The following GPM6A variants were observed in gnomAD, a reference collection of about 807,000 sequenced individuals.
The protein encoded by GPM6A is neuronal membrane glycoprotein M6-a.
In GPM6A, 7 loss-of-function variants were observed where a neutral mutation model predicts 32.1. The observed-to-expected ratio is 0.22, with a 90% CI of 0.12 to 0.41. GPM6A has a LOEUF of 0.41. Ranked by LOEUF, GPM6A falls within the 10% of genes least tolerant of loss-of-function variation. GPM6A has a pLI of 1.00. For missense variants in GPM6A, 235 were observed against 347.2 expected, an observed-to-expected ratio of 0.68 and a Z score of 2.57; for synonymous variants, 130 against 123.4, an observed-to-expected ratio of 1.05 and a Z score of -0.35.
At chr4:175,918,143 A>C (rs543895424) in intron 1 of GPM6A, among the ~76,000 whole-genome samples, 37 of 151,448 alleles carry the variant, frequency 2.4e-4, no homozygotes, top group Non-Finnish European at 4.6e-4. Context: ...GAGATTGAAC[A>C]TGGACAGAAA....
chr4:175,956,839 T>C (rs1740002577), intron 1 of GPM6A, among the ~76,000 whole-genome samples: 2 of 152,198 alleles, frequency 1.3e-5, no homozygotes, highest in Non-Finnish European at 2.9e-5. Context: ...AAGGACAATT[T>C]GGTACAAGTA....
At chr4:175,944,131 C>A (rs1299335547) in intron 1 of GPM6A, among the ~76,000 whole-genome samples, 4 of 152,032 alleles carry the variant, frequency 2.6e-5, no homozygotes, top group Non-Finnish European at 4.4e-5. Context: ...GAAATTTAAC[C>A]ATTTCTAGAA....
At chr4:175,996,428 T>G (rs1431532308) in intron 1 of GPM6A, among the ~76,000 whole-genome samples, 1 of 152,172 alleles carries the variant, frequency 6.6e-6, no homozygotes, top group Non-Finnish European at 1.5e-5. Flanking sequence ...CTACAAAGCA[T>G]CTAGTTGATT....
intron 1 of GPM6A, among the ~76,000 whole-genome samples, chr4:175,799,616 A>G (rs929060603): frequency 6.6e-6 from 1 of 151,986 alleles, no homozygotes; most frequent in Non-Finnish European, 1.5e-5. Flanking sequence ...AGACTGAGGT[A>G]TAACAGACAA....
chr4:175,737,332 G>A (rs907047939), intron 1 of GPM6A, among the ~76,000 whole-genome samples: 9 of 151,566 alleles, frequency 5.9e-5, no homozygotes, highest in Admixed American at 2.0e-4. Flanking sequence ...AATCCTGCAC[G>A]CCCGTAATCC....
chr4:175,763,419 GGT>G (rs1732833336), intron 1 of GPM6A, among the ~76,000 whole-genome samples: 2 of 152,044 alleles, frequency 1.3e-5, no homozygotes, highest in African/African-American at 4.8e-5. Context: ...GTCTTTTAAT[GGT>G]AATATTATTT....
At chr4:175,875,684 A>G (rs1186431178) in intron 1 of GPM6A, among the ~76,000 whole-genome samples, 1 of 152,196 alleles carries the variant, frequency 6.6e-6, no homozygotes, top group Non-Finnish European at 1.5e-5. Context: ...TCATATGCCA[A>G]CTAAACATGC....
At chr4:175,961,221 T>C (rs1740152941) in intron 1 of GPM6A, 1 of 152,206 alleles carries the variant, frequency 6.6e-6, no homozygotes, top group South Asian at 2.1e-4. Context: ...ATTTTCAAAA[T>C]GCTTACAAAA....
At chr4:175,679,931 C>A (rs1743586482) in intron 2 of GPM6A, among the ~76,000 whole-genome samples, 1 of 152,160 alleles carries the variant, frequency 6.6e-6, no homozygotes, top group South Asian at 2.1e-4. Context: ...CTCTTTCAAC[C>A]TCAGAAACAG....
chr4:175,745,447 G>C (rs1261146945), intron 1 of GPM6A, among the ~76,000 whole-genome samples: 4 of 152,142 alleles, frequency 2.6e-5, no homozygotes, highest in African/African-American at 9.7e-5. Context: ...CATGAGCTTT[G>C]TTCTGTTCAG....
At chr4:175,739,063 A>G (rs1409749214) in intron 1 of GPM6A, among the ~76,000 whole-genome samples, 1 of 152,218 alleles carries the variant, frequency 6.6e-6, no homozygotes, top group Non-Finnish European at 1.5e-5. Context: ...ATTTGGTATA[A>G]GTCTAAAGCA....
At chr4:175,927,951 AT>A (rs11309178) in intron 1 of GPM6A, among the ~76,000 whole-genome samples, 147,894 of 152,138 alleles carry the variant, frequency 0.97, 72,034 homozygotes, top group East Asian at 1. Flanking sequence ...TTTCTACTGG[AT>A]TTTTTTTTCT....
chr4:175,705,386 C>G (rs961761301), intron 1 of GPM6A, among the ~76,000 whole-genome samples: 8 of 152,202 alleles, frequency 5.3e-5, no homozygotes, highest in Non-Finnish European at 1.2e-4. Flanking sequence ...CGTCAAACTT[C>G]TATTCAAAGG....
At chr4:175,714,220 AT>A (rs1745710619) in intron 1 of GPM6A, among the ~76,000 whole-genome samples, 1 of 152,190 alleles carries the variant, frequency 6.6e-6, no homozygotes, top group Admixed American at 6.5e-5. Flanking sequence ...CTTTAAAAGT[AT>A]TTGATAAACC....
intron 1 of GPM6A, among the ~76,000 whole-genome samples, chr4:175,705,606 C>A (rs952792208): frequency 1.1e-4 from 16 of 152,106 alleles, no homozygotes; most frequent in Admixed American, 2.0e-4. Context: ...TCTTTCCACC[C>A]ACAGAGAGGA....
At chr4:175,707,217 T>A (rs1745243081) in intron 1 of GPM6A, among the ~76,000 whole-genome samples, 1 of 152,246 alleles carries the variant, frequency 6.6e-6, no homozygotes, top group Admixed American at 6.5e-5. Flanking sequence ...TTCACCTTGC[T>A]CTATGGGCTT....
At chr4:175,675,630 G>A (rs572208572) in intron 2 of GPM6A, among the ~76,000 whole-genome samples, 24 of 151,786 alleles carry the variant, frequency 1.6e-4, no homozygotes, top group South Asian at 1.0e-3. Flanking sequence ...ATTTTTCTTC[G>A]TATAATTTCC....
At chr4:175,720,940 G>A (rs1746084128) in intron 1 of GPM6A, among the ~76,000 whole-genome samples, 1 of 150,890 alleles carries the variant, frequency 6.6e-6, no homozygotes, top group Non-Finnish European at 1.5e-5. Context: ...TATAGAGAAA[G>A]TAATATCAGA....
At chr4:175,877,501 T>C (rs1737122660) in intron 1 of GPM6A, among the ~76,000 whole-genome samples, 1 of 152,084 alleles carries the variant, frequency 6.6e-6, no homozygotes, top group South Asian at 2.1e-4. Context: ...ATAATCATGG[T>C]GGAAGGCACC....
Sources: gnomAD v4.1 joint callset for allele counts (sites outside exome capture counted in the v4.1 genomes callset) on GRCh38, gnomAD v4.1.1 for gene constraint, MANE v1.5 for transcripts, NCBI Gene and HGNC (gene_info 2026-07-23, HGNC 2026-07-21) for gene names.